MAOA: variants seen among roughly 807,000 people sequenced by gnomAD.
MAOA encodes the protein monoamine oxidase A.
A neutral mutation model predicts 42.0 loss-of-function variants in MAOA; 6 were observed. That is an observed-to-expected ratio of 0.14 (90% CI 0.08 to 0.28). The LOEUF (loss-of-function observed/expected upper bound fraction) is 0.28. Ranked by LOEUF, MAOA falls within the 10% of genes least tolerant of loss-of-function variation. MAOA has a pLI of 1.00. For synonymous variants in MAOA, 140 were observed against 154.0 expected (o/e 0.91, Z 0.67); for missense variants, 262 against 422.3 (o/e 0.62, Z 3.33).
In MAOA at chrX:43,745,032, A is replaced by G. The variant is rs2033988829; in HGVS notation, c.*519A>G. The stretch of plus-strand genomic sequence containing the variant: ...ACTTTGGATCAGGAAATAGTAAAGG[A>G]AAGCAGTGTTGGGGGTAGCGGCATG... On this transcript the variant is annotated 3_prime_UTR_variant, in exon 15 of 15. Transcript: ENST00000338702. The G allele has an allele frequency of 6.7e-6, 1 of 149,032 alleles. No homozygotes were observed. Among genetic ancestry groups the G allele is most frequent in the Non-Finnish European group, 1.3e-5 (1 of 76,679 alleles). 12.3% of individuals were successfully genotyped at this position (149,032 alleles called of 1,213,427 possible). A position where few individuals can be genotyped will look rare whatever the true frequency, so the allele number is the denominator to read the frequency against.
chrX:43,656,475 A>G lies in MAOA; in HGVS notation c.73+61A>G, dbSNP rs949635825. On this transcript the variant is annotated intron_variant, in intron 1 of 14. Coordinates refer to ENST00000338702, the MANE Select transcript of MAOA (RefSeq NM_000240.4). Reference sequence around the variant, plus strand: ...TGGCCAGTGAGGGGTAGGGGAACCTACAGTAGCTCTTGTGGTGTTTGGGGG... The same window carrying G: ...TGGCCAGTGAGGGGTAGGGGAACCTGCAGTAGCTCTTGTGGTGTTTGGGGG... 13 of 1,010,606 alleles carry G rather than the reference A, an allele frequency of 1.3e-5. No homozygotes were observed. In the African/African-American group the frequency reaches 2.4e-4, roughly 19 times the overall value. The allele number at this position is 1,010,606 out of a possible 1,213,427, so 83.3% of individuals were successfully genotyped here.
In MAOA at chrX:43,732,585, C is replaced by A. The variant is rs144371066; in HGVS notation, c.956-114C>A. 1.9e-3 allele frequency: 1,032 copies of A among 545,690 alleles called. 10 individuals carry two copies. The African/African-American group carries it at 0.021, about 11-fold the overall frequency. The allele number at this position is 545,690 out of a possible 1,213,427, so 45.0% of individuals were successfully genotyped here. ...AGACATGTAGGGTTGGGGCCAAGAC[C>A]AAGAGTTTAAGTTTTTACTTCCTCT... is the stretch of plus-strand genomic sequence containing the variant. On this transcript the variant is annotated intron_variant, in intron 8 of 14. Transcript: ENST00000338702.
At chrX:43,699,539 A>C (rs1287970017) in intron 3 of MAOA, among the ~76,000 whole-genome samples, 3 of 111,461 alleles carry the variant, frequency 2.7e-5, no homozygotes, top group Non-Finnish European at 3.8e-5. Context: ...TCTCTAAATA[A>C]AAGTAGAGAC....
At chrX:43,673,125 T>C (rs960417651) in intron 1 of MAOA, among the ~76,000 whole-genome samples, 2 of 110,966 alleles carry the variant, frequency 1.8e-5, no homozygotes, top group African/African-American at 6.6e-5. Context: ...GATCCTGTTA[T>C]TGGTCTATTC....
At chrX:43,665,568 A>G (rs1391038737) in intron 1 of MAOA, among the ~76,000 whole-genome samples, 3 of 111,642 alleles carry the variant, frequency 2.7e-5, no homozygotes, top group Non-Finnish European at 3.8e-5. Context: ...CTTGGGTGAG[A>G]TCCTTTTATC....
At chrX:43,710,081 C>T (rs942008101) in intron 3 of MAOA, among the ~76,000 whole-genome samples, 1 of 112,310 alleles carries the variant, frequency 8.9e-6, no homozygotes, top group African/African-American at 3.2e-5. Flanking sequence ...GATGTACTAG[C>T]TACTGCCGCT....
intron 2 of MAOA, among the ~76,000 whole-genome samples, chrX:43,688,561 A>G (rs1357438831): frequency 8.9e-6 from 1 of 112,471 alleles, no homozygotes; most frequent in Non-Finnish European, 1.9e-5. Flanking sequence ...CATTGTGGTC[A>G]GAGAATATTG....
chrX:43,731,399 G>A lies in MAOA; in HGVS notation c.795+9G>A. On this transcript the variant is annotated intron_variant, in intron 7 of 14. Coordinates refer to ENST00000338702, the MANE Select transcript of MAOA (RefSeq NM_000240.4). ...ACCATGAACATTATGAGGTAACTCAGTTTAGTCAAAAGGAGCATATAGTAA... is the reference window on the plus strand; with the variant it reads ...ACCATGAACATTATGAGGTAACTCAATTTAGTCAAAAGGAGCATATAGTAA... 8.3e-7 allele frequency: 1 copy of A among 1,205,588 alleles called. No individual in the cohort carries two copies. The highest frequency in any genetic ancestry group is 1.1e-6 in the Non-Finnish European group (1 of 889,976).
Position 43,740,757 on chromosome X carries a change from T to TAATC in MAOA, c.1164+20_1164+23dup. 8.4e-7 allele frequency: 1 copy of TAATC among 1,183,704 alleles called. No individual in the cohort carries two copies. The highest frequency in any genetic ancestry group is 1.1e-6 in the Non-Finnish European group (1 of 874,775). On this transcript the variant is annotated intron_variant, in intron 11 of 14. Transcript: ENST00000338702. ...TTTACATGTAAGAAACTCCCAGCTT[T>TAATC]AATCCCTAGCAGGTTCTTCTCTGTT... is the stretch of plus-strand genomic sequence containing the variant.
Position 43,731,000 on chromosome X carries a change from G to A in MAOA, c.646-241G>A, listed in dbSNP as rs142781103. On this transcript the variant is annotated intron_variant, in intron 6 of 14. Transcript: ENST00000338702. ...CATTGGCATAGTGGAACATTTCTTC[G>A]GGTTCTGTGATTTTTATAAACTTGT... is the stretch of plus-strand genomic sequence containing the variant. Among the ~76,000 whole-genome samples the A allele has an allele frequency of 1.2e-4, 13 of 111,795 alleles. No homozygotes were observed. In the East Asian group the frequency reaches 3.1e-3, roughly 27 times the overall value.
chrX:43,701,201 T>C (rs2033622582), intron 3 of MAOA, among the ~76,000 whole-genome samples: 1 of 111,637 alleles, frequency 9.0e-6, no homozygotes, highest in Admixed American at 9.5e-5. Context: ...TTGCTGCTTG[T>C]GAGTTCCCAG....
At chrX:43,656,525 T>G (rs1323695415) in intron 1 of MAOA, 111 bp downstream of exon 1, 2 of 719,461 alleles carry the variant, frequency 2.8e-6, no homozygotes, top group African/African-American at 4.2e-5. Flanking sequence ...GAGAGTGTAG[T>G]GTAGCCATGG....
rs2033878734 is a variant in MAOA at position 43,731,301 on chromosome X, G to A, written c.706G>A (p.Asp236Asn). Residue 236 changes from aspartate (D) to asparagine (N), a missense_variant, in exon 7 of 15, where the codon GAC becomes AAC. By Grantham distance (23) the Asp-to-Asn change is conservative. This residue lies in a region of MAOA where 141 missense variants were observed against 195.6 expected (regional missense o/e 0.72). Coordinates refer to ENST00000338702, the MANE Select transcript of MAOA (RefSeq NM_000240.4). ...CGAACGGATAATGGACCTCCTCGGA[G>A]ACCAAGTGAAGCTGAACCATCCTGT... Reference protein sequence around the residue: ...VSERIMDLLGDQVKLNHPVTH... With the variant: ...VSERIMDLLGNQVKLNHPVTH... 2 of 1,209,348 alleles carry A rather than the reference G, an allele frequency of 1.7e-6. No homozygotes were observed. The highest frequency in any genetic ancestry group is 2.2e-6 in the Non-Finnish European group (2 of 893,179).
intron 1 of MAOA, among the ~76,000 whole-genome samples, chrX:43,669,588 C>T (rs1403464393): frequency 1.8e-5 from 2 of 110,842 alleles, no homozygotes; most frequent in Non-Finnish European, 3.8e-5. Context: ...CTCGTTTCAC[C>T]CTTATCTAAT....
At chrX:43,744,057 C>T in intron 13 of MAOA, 52 bp from the exon 14 acceptor site, 1 of 1,194,829 alleles carries the variant, frequency 8.4e-7, no homozygotes, top group Non-Finnish European at 1.1e-6. Flanking sequence ...GGCCTTGAAT[C>T]TGTAGAAACT....
chrX:43,666,939 T>A (rs1015053276), intron 1 of MAOA, among the ~76,000 whole-genome samples: 41 of 102,404 alleles, frequency 4.0e-4, no homozygotes, highest in African/African-American at 8.5e-4. Flanking sequence ...TGGGAATTGA[T>A]CAATGAGAAC....
chrX:43,698,349 T>TA (rs1237123543), intron 3 of MAOA, among the ~76,000 whole-genome samples: 6 of 112,086 alleles, frequency 5.4e-5, no homozygotes, highest in African/African-American at 1.9e-4. Flanking sequence ...CAAGACAGTG[T>TA]ATAGTTCCAA....
chrX:43,736,425 T>C (rs773610071), intron 10 of MAOA, 145 bp downstream of exon 10: 110 of 395,618 alleles, frequency 2.8e-4, no homozygotes, highest in African/African-American at 2.6e-3. Context: ...TGTATTTTGC[T>C]ACAGCCCTCT....
chrX:43,656,001 G>C, upstream of MAOA: 1 of 280,289 alleles, frequency 3.6e-6, no homozygotes, highest in Non-Finnish European at 6.5e-6. Flanking sequence ...ACTCCGCGGG[G>C]TTCAATACAA....
Sources: gnomAD v4.1 joint callset for allele counts (sites outside exome capture counted in the v4.1 genomes callset) on GRCh38, gnomAD v4.1.1 for gene constraint, gnomAD v4.1.1 regional missense constraint, MANE v1.5 for transcripts, NCBI Gene and HGNC (gene_info 2026-07-23, HGNC 2026-07-21) for gene names.